PLEKHA1: variants seen among roughly 807,000 people sequenced by gnomAD.
PLEKHA1 encodes pleckstrin homology domain-containing family A member 1.
Under a neutral mutation model 52.0 loss-of-function variants are expected in PLEKHA1, and 34 were observed. That is an observed-to-expected ratio of 0.65 (90% CI 0.50 to 0.87). The LOEUF is 0.87. Ranked by LOEUF, PLEKHA1 falls within the 40% of genes least tolerant of loss-of-function variation. PLEKHA1 has a pLI of 0.00. For missense variants in PLEKHA1, 497 were observed against 504.2 expected (o/e 0.99, Z 0.14); for synonymous variants, 163 against 170.7 (o/e 0.95, Z 0.35).
chr10:122,409,981 C>T (rs998274407), intron 5 of PLEKHA1, among the ~76,000 whole-genome samples: 2 of 152,000 alleles, frequency 1.3e-5, no homozygotes, highest in African/African-American at 4.8e-5. Flanking sequence ...TGGGTTTCGC[C>T]ATGTTGTCCA....
At position 122,431,993 on chromosome 10, in the gene PLEKHA1, T is replaced by A. The variant is rs910053959; in HGVS notation, c.*2055T>A. On this transcript the variant is annotated 3_prime_UTR_variant, in exon 12 of 12. Coordinates refer to ENST00000368990, the MANE Select transcript of PLEKHA1 (RefSeq NM_001001974.4). Reference sequence around the variant, plus strand: ...TGATATATTTCATGGTGGCAAAATATTAGCTCTGTTTTGGGACATTTTAAA... The same window carrying A: ...TGATATATTTCATGGTGGCAAAATAATAGCTCTGTTTTGGGACATTTTAAA... 2 of 152,198 alleles carry A rather than the reference T, an allele frequency of 1.3e-5. No individual in the cohort carries two copies. Among genetic ancestry groups the A allele is most frequent in the Non-Finnish European group, 2.9e-5 (2 of 68,028 alleles). The allele number at this position is 152,198 out of a possible 1,614,324, so 9.4% of individuals were successfully genotyped here. A position where few individuals can be genotyped will look rare whatever the true frequency, so the allele number is the denominator to read the frequency against.
chr10:122,420,473 C>A (rs1276839894), intron 8 of PLEKHA1: 1 of 152,084 alleles, frequency 6.6e-6, no homozygotes, highest in Non-Finnish European at 1.5e-5. Flanking sequence ...TCTTCTGTTT[C>A]ACCACCCACT....
intron 1 of PLEKHA1, among the ~76,000 whole-genome samples, chr10:122,376,500 AG>A (rs1213088541): frequency 1.3e-4 from 2 of 15,320 alleles, no homozygotes; most frequent in Non-Finnish European, 2.2e-4. Flanking sequence ...GACATTAAGA[AG>A]ATATATATAT....
At chr10:122,399,443 C>T (rs1420552830) in intron 3 of PLEKHA1, among the ~76,000 whole-genome samples, 1 of 152,184 alleles carries the variant, frequency 6.6e-6, no homozygotes, top group East Asian at 1.9e-4. Flanking sequence ...ATAAAGTGAT[C>T]CCATTATCCT....
At chr10:122,395,462 A>G (rs1001510434) in intron 2 of PLEKHA1, among the ~76,000 whole-genome samples, 2 of 152,118 alleles carry the variant, frequency 1.3e-5, no homozygotes, top group Non-Finnish European at 2.9e-5. Flanking sequence ...ATGTCTTGCT[A>G]AGATTATTAT....
intron 1 of PLEKHA1, among the ~76,000 whole-genome samples, chr10:122,380,464 G>T (rs1271747139): frequency 1.3e-5 from 2 of 152,186 alleles, no homozygotes; most frequent in Non-Finnish European, 2.9e-5. Flanking sequence ...TGGAGGATTT[G>T]CAATTTTAGA....
chr10:122,408,540 A>G (rs117874982), intron 5 of PLEKHA1, among the ~76,000 whole-genome samples: 4,512 of 152,276 alleles, frequency 0.03, 87 homozygotes, highest in Non-Finnish European at 0.042. Flanking sequence ...ATAAATACAT[A>G]GAAGTTATAG....
At chr10:122,394,605 GTAGTCTAGTATTCTTCACTA>G (rs777928796) in intron 2 of PLEKHA1, among the ~76,000 whole-genome samples, 5 of 152,162 alleles carry the variant, frequency 3.3e-5, no homozygotes, top group Non-Finnish European at 5.9e-5. Context: ...CTGCTGATAA[GTAGTCTAGTATTCTTCACTA>G]TATACTGATT....
At chr10:122,406,774 C>T in intron 5 of PLEKHA1, 101 bp downstream of exon 5, 1 of 850,266 alleles carries the variant, frequency 1.2e-6, no homozygotes, top group Non-Finnish European at 1.9e-6. Flanking sequence ...CAACAGGTTT[C>T]ATACTCAAGC....
chr10:122,427,201 TGTA>T (rs566511357), intron 11 of PLEKHA1, among the ~76,000 whole-genome samples, 170 bp downstream of exon 11: 3 of 152,258 alleles, frequency 2.0e-5, no homozygotes, highest in Non-Finnish European at 2.9e-5. Context: ...AATGCTTCCT[TGTA>T]GTATTATGTA....
intron 8 of PLEKHA1, chr10:122,420,544 G>A (rs972102350): frequency 3.9e-5 from 6 of 152,148 alleles, no homozygotes; most frequent in African/African-American, 1.4e-4. Context: ...AAATATCTCA[G>A]TGTGTATCTC....
At chr10:122,432,952 A>G (rs987354127), downstream of PLEKHA1, 6 of 152,336 alleles carry the variant, frequency 3.9e-5, no homozygotes, top group South Asian at 1.2e-3. Flanking sequence ...AGAAAAGTGT[A>G]TACCTATTTG....
chr10:122,382,882 A>G (rs747507267), intron 1 of PLEKHA1, among the ~76,000 whole-genome samples: 13 of 152,166 alleles, frequency 8.5e-5, no homozygotes, highest in Non-Finnish European at 1.5e-4. Flanking sequence ...AAAATGTTTC[A>G]CATTACAGTA....
At chr10:122,390,069 A>G (rs2096755768) in intron 1 of PLEKHA1, among the ~76,000 whole-genome samples, 2 of 152,222 alleles carry the variant, frequency 1.3e-5, no homozygotes, top group South Asian at 4.1e-4. Context: ...AAGCTTCTAT[A>G]TCAGCACTTG....
intron 5 of PLEKHA1, among the ~76,000 whole-genome samples, chr10:122,410,160 G>A (rs2097088031): frequency 6.6e-6 from 1 of 152,166 alleles, no homozygotes; most frequent in Admixed American, 6.5e-5. Flanking sequence ...GCGTTTTTAT[G>A]TATTTCACTC....
At chr10:122,416,639 GA>G (rs2097179626) in intron 7 of PLEKHA1, among the ~76,000 whole-genome samples, 1 of 152,136 alleles carries the variant, frequency 6.6e-6, no homozygotes, top group Non-Finnish European at 1.5e-5. Flanking sequence ...GTTCCATGAT[GA>G]ATTTTTTGCA....
At chr10:122,387,409 TAA>T (rs1394760443) in intron 1 of PLEKHA1, 1 of 152,228 alleles carries the variant, frequency 6.6e-6, no homozygotes, top group Non-Finnish European at 1.5e-5. Context: ...ATATTTTATT[TAA>T]AAGTGTATTT....
At chr10:122,394,018 C>T (rs894138672) in intron 2 of PLEKHA1, among the ~76,000 whole-genome samples, 1 of 150,398 alleles carries the variant, frequency 6.6e-6, no homozygotes, top group Non-Finnish European at 1.5e-5. Flanking sequence ...CTTAAGAGGC[C>T]TGAGATTAGA....
At chr10:122,422,059 C>T (rs2097267638) in intron 8 of PLEKHA1, 1 of 151,616 alleles carries the variant, frequency 6.6e-6, no homozygotes, top group Non-Finnish European at 1.5e-5. Flanking sequence ...AAGGAGCTGA[C>T]CAAAATGCAG....
Sources: allele counts gnomAD v4.1 joint callset (sites outside exome capture counted in the v4.1 genomes callset), GRCh38; gene constraint gnomAD v4.1.1; transcripts MANE v1.5; gene names NCBI Gene and HGNC (gene_info 2026-07-23, HGNC 2026-07-21).